The following RASA3 variants were observed in gnomAD, a reference collection of about 807,000 sequenced individuals.
RASA3 encodes the protein ras GTPase-activating protein 3.
In RASA3, 73 loss-of-function variants were observed where a neutral mutation model predicts 110.0. The observed-to-expected ratio is 0.66, with a 90% CI of 0.55 to 0.81. The LOEUF (loss-of-function observed/expected upper bound fraction) is 0.81, where lower values mean the gene tolerates loss of function less well. RASA3 is among the 30% of genes least tolerant of loss of function. RASA3 has a pLI of 0.00. For synonymous variants in RASA3, 500 were observed against 451.4 expected, an observed-to-expected ratio of 1.11 and a Z score of -1.37; for missense variants, 976 against 1,113.2, an observed-to-expected ratio of 0.88 and a Z score of 1.75.
In RASA3 at chr13:113,992,368, A is replaced by G. The variant is rs775761372; in HGVS notation, c.2245+117T>C. ...CCGTGCTACAAAGACAACTACATGT[A>G]GCCCACACTACACCAGAGGCTCAGA... On this transcript the variant is annotated intron_variant, in intron 22 of 23. Coordinates refer to ENST00000334062, the MANE Select transcript of RASA3 (RefSeq NM_007368.4). 1.7e-4 allele frequency: 124 copies of G among 727,986 alleles called. 1 individual carries two copies. The highest frequency in any genetic ancestry group is 1.5e-3 in the Middle Eastern group (5 of 3,344). The allele number at this position is 727,986 out of a possible 1,614,324, so 45.1% of individuals were successfully genotyped here. A position where few individuals can be genotyped will look rare whatever the true frequency, so the allele number is the denominator to read the frequency against.
chr13:114,060,340 G>A (rs919308162), intron 2 of RASA3, among the ~76,000 whole-genome samples: 2 of 152,184 alleles, frequency 1.3e-5, no homozygotes, highest in Non-Finnish European at 2.9e-5. Flanking sequence ...ACGGATGCAC[G>A]GATGGGGCAG....
intron 4 of RASA3, among the ~76,000 whole-genome samples, chr13:114,036,844 G>A (rs2054287649): frequency 6.6e-6 from 1 of 152,168 alleles, no homozygotes; most frequent in Non-Finnish European, 1.5e-5. Flanking sequence ...GCCTGGAGTT[G>A]AGGTTTTAAA....
At chr13:114,022,771 C>T (rs915322428) in intron 8 of RASA3, among the ~76,000 whole-genome samples, 1 of 152,210 alleles carries the variant, frequency 6.6e-6, no homozygotes, top group Non-Finnish European at 1.5e-5. Context: ...GTTTTGTGTG[C>T]TTTTAAAAAA....
intron 1 of RASA3, among the ~76,000 whole-genome samples, chr13:114,107,941 C>T (rs1444243779): frequency 6.6e-6 from 1 of 152,110 alleles, no homozygotes; most frequent in East Asian, 1.9e-4. Context: ...ACGGCCGCCT[C>T]AGAGGGTAAG....
At chr13:114,053,546 G>A (rs1343292226) in intron 2 of RASA3, among the ~76,000 whole-genome samples, 6 of 152,230 alleles carry the variant, frequency 3.9e-5, no homozygotes, top group East Asian at 3.8e-4. Context: ...GCAAAGGAAG[G>A]TCAACGTGCT....
Position 114,096,712 on chromosome 13 carries a change from C to G in RASA3, c.56-22875G>C, listed in dbSNP as rs2079949029. Among the ~76,000 whole-genome samples, 1 of 152,106 alleles carries G rather than the reference C, an allele frequency of 6.6e-6. No individual in the cohort carries two copies. The highest frequency in any genetic ancestry group is 2.4e-5 in the African/African-American group (1 of 41,424). ...GTGCGGGTCTCCACCACAGTTATGA[C>G]CACCCTTCCCTCCTCGTCCCCCAAA... On this transcript the variant is annotated intron_variant, in intron 1 of 23. Coordinates refer to ENST00000334062, the MANE Select transcript of RASA3 (RefSeq NM_007368.4). This position sits in a 1 kb window ranked among gnomAD's most constrained non-coding sequence, Gnocchi z 5.1.
chr13:113,981,885 G>C, intron 22 of RASA3, 27 bp from the exon 23 acceptor site: 1 of 1,599,948 alleles, frequency 6.3e-7, no homozygotes, highest in Non-Finnish European at 8.5e-7. Context: ...GGTCAGCGCA[G>C]GGCAGGAGCC....
chr13:113,998,900 G>A (rs568744975), intron 20 of RASA3, among the ~76,000 whole-genome samples: 42 of 152,376 alleles, frequency 2.8e-4, no homozygotes, highest in African/African-American at 9.6e-4. Context: ...ACTGGACAGC[G>A]GCAAACTCGA....
chr13:114,041,269 G>C (rs780733252), intron 3 of RASA3, among the ~76,000 whole-genome samples, 175 bp from the exon 4 acceptor site: 16 of 152,264 alleles, frequency 1.1e-4, no homozygotes, highest in Non-Finnish European at 1.6e-4. Context: ...GAGGCCCAGG[G>C]GGGAGGGTCG....
At chr13:114,106,995 C>A (rs900798968) in intron 1 of RASA3, among the ~76,000 whole-genome samples, 2 of 152,188 alleles carry the variant, frequency 1.3e-5, no homozygotes, top group African/African-American at 4.8e-5. Flanking sequence ...CTCAGCCAGG[C>A]CCCCCCAGAG....
At chr13:114,122,134 C>T (rs1039907220) in intron 1 of RASA3, among the ~76,000 whole-genome samples, 1 of 152,238 alleles carries the variant, frequency 6.6e-6, no homozygotes, top group African/African-American at 2.4e-5. Flanking sequence ...GCTGCGCAGC[C>T]GGCCACGGCG....
chr13:114,017,189 A>T (rs898759839), intron 12 of RASA3, 48 bp downstream of exon 12: 11 of 1,531,660 alleles, frequency 7.2e-6, no homozygotes, highest in Non-Finnish European at 9.9e-6. Context: ...GTTGGGGGAA[A>T]TCCTCCCCAC....
At chr13:114,089,667 G>C (rs967392754) in intron 1 of RASA3, among the ~76,000 whole-genome samples, 2 of 152,190 alleles carry the variant, frequency 1.3e-5, no homozygotes, top group Non-Finnish European at 2.9e-5. Context: ...AGGTGTTCAC[G>C]GCACGTGTGT....
Position 113,995,850 on chromosome 13 carries a change from CGGGGGGCCCGGCTGAT to C in RASA3, c.2141+665_2141+680del, listed in dbSNP as rs1566453479. On this transcript the variant is annotated intron_variant, in intron 21 of 23. Coordinates refer to ENST00000334062, the MANE Select transcript of RASA3 (RefSeq NM_007368.4). The stretch of plus-strand genomic sequence containing the variant: ...CCCGGCTGACGGGGGGCCCGGCTGA[CGGGGGGCCCGGCTGAT>C]GGGGAGGCCCGGCTGATGGGGAGGC... 3.8e-4 allele frequency among the ~76,000 whole-genome samples: 12 copies of C among 31,306 alleles called. 1 individual carries two copies. Among genetic ancestry groups the C allele is most frequent in the Non-Finnish European group, 3.9e-4 (7 of 18,106 alleles). 20.5% of individuals were successfully genotyped at this position (31,306 alleles called of 152,430 possible). A position where few individuals can be genotyped will look rare whatever the true frequency, so the allele number is the denominator to read the frequency against.
At position 114,115,358 on chromosome 13, in the gene RASA3, A is replaced by G. The variant is rs2080263016; in HGVS notation, c.55+17077T>C. Among the ~76,000 whole-genome samples, 1 of 151,978 alleles carries G rather than the reference A, an allele frequency of 6.6e-6. No individual in the cohort carries two copies. The highest frequency in any genetic ancestry group is 6.6e-5 in the Admixed American group (1 of 15,264). On this transcript the variant is annotated intron_variant, in intron 1 of 23. Transcript: ENST00000334062. The surrounding 1 kb of genome is among the most constrained non-coding windows in gnomAD (Gnocchi z 5.0). ...ACACAGAGGCTGGACAGTCACACCG[A>G]CCCTTGGCCCGGGCGAGGCCACGTG... is the stretch of plus-strand genomic sequence containing the variant.
intron 1 of RASA3, among the ~76,000 whole-genome samples, chr13:114,090,697 C>T (rs185368525): frequency 3.9e-5 from 6 of 152,348 alleles, no homozygotes; most frequent in East Asian, 3.9e-4. Flanking sequence ...CTGACGGGCA[C>T]GGGCGTCTCT....
rs2080234243 is a variant in RASA3 at position 114,112,638 on chromosome 13, G to A, written c.55+19797C>T. Among the ~76,000 whole-genome samples, 1 of 151,934 alleles carries A rather than the reference G, an allele frequency of 6.6e-6. No homozygotes were observed. The highest frequency in any genetic ancestry group is 1.5e-5 in the Non-Finnish European group (1 of 67,976). On this transcript the variant is annotated intron_variant, in intron 1 of 23. Coordinates refer to ENST00000334062, the MANE Select transcript of RASA3 (RefSeq NM_007368.4). The surrounding 1 kb of genome is among the most constrained non-coding windows in gnomAD (Gnocchi z 4.8). Reference sequence around the variant, plus strand: ...GCCCCGGGTTAAGGGTTGGTAACTGGAGAATGGGGTGGGGGTATGCCAGCT... The same window carrying A: ...GCCCCGGGTTAAGGGTTGGTAACTGAAGAATGGGGTGGGGGTATGCCAGCT...
intron 3 of RASA3, among the ~76,000 whole-genome samples, chr13:114,050,698 T>C (rs2079130545): frequency 6.6e-6 from 1 of 152,248 alleles, no homozygotes; most frequent in South Asian, 2.1e-4. Flanking sequence ...GCCCGGGACA[T>C]GGCAGAGTGC....
At chr13:114,029,710 CTGGAAATTCTTGTGCGT>C in intron 5 of RASA3, 84 bp downstream of exon 5, 1 of 1,073,736 alleles carries the variant, frequency 9.3e-7, no homozygotes, top group Non-Finnish European at 1.4e-6. Context: ...GCCACCGGCT[CTGGAAATTCTTGTGCGT>C]TGGTGTGAAA....
Sources: allele counts gnomAD v4.1 joint callset (sites outside exome capture counted in the v4.1 genomes callset), GRCh38; gene constraint gnomAD v4.1.1; non-coding constraint Gnocchi (gnomAD v3.1); transcripts MANE v1.5; gene names NCBI Gene and HGNC (gene_info 2026-07-23, HGNC 2026-07-21).